The following TAFAZZIN variants were observed in gnomAD, a reference collection of about 807,000 sequenced individuals.
TAFAZZIN encodes tafazzin, phospholipid-lysophospholipid transacylase, also known as protein G4.5.
TAFAZZIN carries 6 observed loss-of-function variants against 27.3 expected under a neutral mutation model. That is an observed-to-expected ratio of 0.22 (90% confidence interval 0.12 to 0.43). The LOEUF is 0.43. Ranked by LOEUF, TAFAZZIN falls within the 20% of genes least tolerant of loss-of-function variation. The pLI is 1.00. For missense variants in TAFAZZIN, 127 were observed against 244.5 expected, an observed-to-expected ratio of 0.52 and a Z score of 3.21; for synonymous variants, 79 against 96.2, an observed-to-expected ratio of 0.82 and a Z score of 1.04.
At chrX:154,420,432 G>A (rs1367083309) in intron 9 of TAFAZZIN, among the ~76,000 whole-genome samples, 168 bp downstream of exon 9, 2 of 110,824 alleles carry the variant, frequency 1.8e-5, no homozygotes, top group African/African-American at 6.6e-5. Context: ...ATTAAAATGA[G>A]AGCAGAGGAA....
chrX:154,412,198 C>T lies in TAFAZZIN; in HGVS notation c.222C>T (p.Asp74=). ...TGTCCAATCACCAGTCCTGCATGGA[C>T]GACCCTCATCTCTGGGGTACCCGGG... is the stretch of plus-strand genomic sequence containing the variant. ...ITVSNHQSCM[D]DPHLWGILKL... The change falls in exon 2 of 11, where the codon GAC becomes GAT. Residue 74 remains aspartate, a synonymous_variant. Transcript: ENST00000601016. 2 of 1,198,151 alleles carry T rather than the reference C, an allele frequency of 1.7e-6. No individual in the cohort carries two copies. Among genetic ancestry groups the T allele is most frequent in the Middle Eastern group, 2.3e-4 (1 of 4,335 alleles).
chrX:154,417,443 C>T (rs1164343227), intron 5 of TAFAZZIN, among the ~76,000 whole-genome samples: 3 of 112,178 alleles, frequency 2.7e-5, no homozygotes, highest in South Asian at 3.7e-4. Flanking sequence ...GAATGGAGAC[C>T]GCAGCGGGGG....
intron 5 of TAFAZZIN, among the ~76,000 whole-genome samples, chrX:154,417,724 G>T (rs1557193359): frequency 4.5e-5 from 5 of 111,662 alleles, no homozygotes. Flanking sequence ...TGCTTTTGGA[G>T]GCTACTTCTG....
intron 5 of TAFAZZIN, among the ~76,000 whole-genome samples, chrX:154,416,029 C>T (rs1465627284): frequency 9.2e-6 from 1 of 108,670 alleles, no homozygotes; most frequent in Admixed American, 9.9e-5. Flanking sequence ...GAGGCCGAGG[C>T]GGGTGGTTCA....
At position 154,416,214 on chromosome X, in the gene TAFAZZIN, A is replaced by G. The variant is rs2068486989; in HGVS notation, c.460+2024A>G. Among the ~76,000 whole-genome samples the G allele has an allele frequency of 2.7e-5, 3 of 112,246 alleles. No individual in the cohort carries two copies. In the South Asian group the frequency reaches 1.1e-3, roughly 41 times the overall value. ...GGAGATCGAGACCATCCTGGCTAACAGGATGAAACCCCGTCTCTACTAAAA... is the reference window on the plus strand; with the variant it reads ...GGAGATCGAGACCATCCTGGCTAACGGGATGAAACCCCGTCTCTACTAAAA... On this transcript the variant is annotated intron_variant, in intron 5 of 10. Coordinates refer to ENST00000601016, the MANE Select transcript of TAFAZZIN (RefSeq NM_000116.5).
intron 4 of TAFAZZIN, 98 bp from the exon 5 acceptor site, chrX:154,414,003 G>C (rs974900106): frequency 4.1e-5 from 24 of 582,880 alleles, no homozygotes; most frequent in Non-Finnish European, 6.8e-5. Flanking sequence ...CTATTCTCCA[G>C]ACAGGGAGGA....
At chrX:154,413,172 G>A (rs1557191532) in intron 2 of TAFAZZIN, 35 bp from the exon 3 acceptor site, 1 of 1,211,713 alleles carries the variant, frequency 8.3e-7, no homozygotes, top group Admixed American at 2.2e-5. Context: ...TGGGGATATG[G>A]GAAGTTGGGG....
At chrX:154,415,444 A>ATAGGTAGATAGATAGGTAGGTAGGTAGG (rs2068455703) in intron 5 of TAFAZZIN, among the ~76,000 whole-genome samples, 1 of 111,173 alleles carries the variant, frequency 9.0e-6, no homozygotes, top group Non-Finnish European at 1.9e-5. Context: ...GTATAGATAG[A>ATAGGTAGATAGATAGGTAGGTAGGTAGG]TAGGTAGATA....
Position 154,421,113 on chromosome X carries a change from C to A in TAFAZZIN, c.*109C>A, listed in dbSNP as rs2068618462. On this transcript the variant is annotated 3_prime_UTR_variant, in exon 11 of 11. Transcript: ENST00000601016. ...TTTTAGACAGATTTGTTCATAGACC[C>A]TCTCAAGTGCCCTCTCCGAGCTGGT... 2.8e-6 allele frequency: 2 copies of A among 707,984 alleles called. No homozygotes were observed. Among genetic ancestry groups the A allele is most frequent in the East Asian group, 6.9e-5 (2 of 28,829 alleles). The allele number at this position is 707,984 out of a possible 1,213,427, so 58.3% of individuals were successfully genotyped here.
intron 5 of TAFAZZIN, among the ~76,000 whole-genome samples, chrX:154,417,987 G>C (rs782513511): frequency 8.9e-6 from 1 of 112,359 alleles, no homozygotes; most frequent in East Asian, 2.8e-4. Flanking sequence ...ATTTTAATAT[G>C]GTATTTAAGT....
rs2068619258 is a variant in TAFAZZIN at position 154,421,138 on chromosome X, T to C, written c.*134T>C. On this transcript the variant is annotated 3_prime_UTR_variant, in exon 11 of 11. Transcript: ENST00000601016. ...CTCTCAAGTGCCCTCTCCGAGCTGG[T>C]AGGCATTCCAGCTCCTCCGTGCTTC... 2 of 586,894 alleles carry C rather than the reference T, an allele frequency of 3.4e-6. No individual in the cohort carries two copies. Among genetic ancestry groups the C allele is most frequent in the Non-Finnish European group, 5.7e-6 (2 of 353,016 alleles). The allele number at this position is 586,894 out of a possible 1,213,427, so 48.4% of individuals were successfully genotyped here.
intron 2 of TAFAZZIN, 130 bp from the exon 3 acceptor site, chrX:154,413,077 C>A: frequency 1.1e-6 from 1 of 942,943 alleles, no homozygotes; most frequent in Non-Finnish European, 1.5e-6. Context: ...GCCTAAGGGT[C>A]TGAAAGATGC....
chrX:154,415,750 G>A (rs143057416), intron 5 of TAFAZZIN, among the ~76,000 whole-genome samples: 158 of 107,529 alleles, frequency 1.5e-3, no homozygotes, highest in African/African-American at 5.1e-3. Flanking sequence ...ATGTGGTGGC[G>A]CACGCCTGTA....
Position 154,419,701 on chromosome X carries a change from C to T in TAFAZZIN, c.542-4C>T. ...CAAGCCTCGCCTCTGTGCTCTCTCA[C>T]CAGGGAAAGTGAACATGAGTTCCGA... On this transcript the variant is annotated splice_polypyrimidine_tract_variant and splice_region_variant and intron_variant, in intron 6 of 10. Transcript: ENST00000601016. The T allele has an allele frequency of 4.1e-6, 5 of 1,212,383 alleles. No homozygotes were observed. The highest frequency in any genetic ancestry group is 5.6e-6 in the Non-Finnish European group (5 of 895,612).
At chrX:154,420,768 C>T in intron 10 of TAFAZZIN, 33 bp downstream of exon 10, 3 of 1,202,209 alleles carry the variant, frequency 2.5e-6, no homozygotes, top group Non-Finnish European at 3.4e-6. Context: ...CGTAGCTGTC[C>T]CCGGACCCCC....
chrX:154,415,979 C>T (rs782116680), intron 5 of TAFAZZIN, among the ~76,000 whole-genome samples: 1 of 109,648 alleles, frequency 9.1e-6, no homozygotes, highest in Admixed American at 9.8e-5. Context: ...GTAGCATCTG[C>T]CAGGCGCGGT....
At chrX:154,418,242 C>T (rs2068540044) in intron 5 of TAFAZZIN, among the ~76,000 whole-genome samples, 2 of 112,085 alleles carry the variant, frequency 1.8e-5, no homozygotes, top group Admixed American at 1.9e-4. Context: ...CACCCCCTCC[C>T]TCTAGCCCAA....
chrX:154,415,551 C>G (rs183795826), intron 5 of TAFAZZIN, among the ~76,000 whole-genome samples: 24 of 111,156 alleles, frequency 2.2e-4, no homozygotes, highest in Middle Eastern at 4.6e-3. Flanking sequence ...TAGATAGATA[C>G]ATACATACAT....
chrX:154,420,567 G>A, intron 9 of TAFAZZIN, 91 bp from the exon 10 acceptor site: 1 of 1,026,941 alleles, frequency 9.7e-7, no homozygotes. Flanking sequence ...GCACAGCAGG[G>A]CCGGGGCTTA....
Sources: gnomAD v4.1 joint callset for allele counts (sites outside exome capture counted in the v4.1 genomes callset) on GRCh38, gnomAD v4.1.1 for gene constraint, MANE v1.5 for transcripts, NCBI Gene and HGNC (gene_info 2026-07-23, HGNC 2026-07-21) for gene names.